RELB: variants seen among roughly 807,000 people sequenced by gnomAD.
RELB encodes RELB proto-oncogene, NF-kB subunit.
In RELB, 14 loss-of-function variants were observed where a neutral mutation model predicts 55.4. The ratio of observed to expected loss-of-function variants is 0.25; its 90% CI spans 0.17 to 0.40. The LOEUF (loss-of-function observed/expected upper bound fraction) is 0.40, where lower values mean the gene tolerates loss of function less well. RELB is among the 10% of genes least tolerant of loss of function. The pLI, the probability that RELB is intolerant of heterozygous loss-of-function variation, is 1.00. For missense variants in RELB, 669 were observed against 830.7 expected, an observed-to-expected ratio of 0.81 and a Z score of 2.39; for synonymous variants, 409 against 371.3, an observed-to-expected ratio of 1.10 and a Z score of -1.17.
intron 6 of RELB, 85 bp from the exon 7 acceptor site, chr19:45,025,521 C>A (rs1245534289): frequency 1.3e-6 from 2 of 1,580,516 alleles, no homozygotes; most frequent in Non-Finnish European, 1.7e-6. Context: ...ACCGTCTCCT[C>A]CAGCCCCATC....
chr19:45,032,258 C>A (rs34222293), intron 8 of RELB, among the ~76,000 whole-genome samples: 3,472 of 150,442 alleles, frequency 0.023, 129 homozygotes, highest in African/African-American at 0.079. Context: ...CAAAAAAAAA[C>A]CAAAAATAAA....
Position 45,032,576 on chromosome 19 carries a change from G to A in RELB, c.1034G>A (p.Arg345Gln), listed in dbSNP as rs759035059. Residue 345 changes from arginine to glutamine, a missense_variant, in exon 9 of 12, where the codon CGG becomes CAG. This residue lies in a region of RELB where 341 missense variants were observed against 436.8 expected (regional missense o/e 0.78). Transcript: ENST00000221452. ...TTCAGCAGGGCCTCCTGGGAAGGTC[G>A]GGCTGACTTCTCCCAGGCCGACGTG... ...VVFSRASWEG[R>Q]ADFSQADVHR... is the part of the protein sequence containing the mutation. 5 of 1,613,340 alleles carry A rather than the reference G, an allele frequency of 3.1e-6. No homozygotes were observed. Among genetic ancestry groups the A allele is most frequent in the Admixed American group, 1.7e-5 (1 of 59,916 alleles).
At chr19:45,025,811 T>A in intron 7 of RELB, 74 bp downstream of exon 7, 1 of 1,585,248 alleles carries the variant, frequency 6.3e-7, no homozygotes, top group Non-Finnish European at 8.7e-7. Context: ...TACAGAGGCA[T>A]GAATGGCTCA....
intron 1 of RELB, among the ~76,000 whole-genome samples, chr19:45,002,402 G>T (rs1971224183): frequency 6.6e-6 from 1 of 152,102 alleles, no homozygotes; most frequent in South Asian, 2.1e-4. Context: ...GCCCAGGCTG[G>T]AGTGCAGTGG....
chr19:45,002,692 C>T (rs1201130004), intron 1 of RELB, among the ~76,000 whole-genome samples: 1 of 152,036 alleles, frequency 6.6e-6, no homozygotes, highest in Non-Finnish European at 1.5e-5. Flanking sequence ...ATGGGGTCCC[C>T]TCCAGGCCCA....
intron 2 of RELB, among the ~76,000 whole-genome samples, chr19:45,006,043 T>G (rs1301545262): frequency 6.6e-6 from 1 of 152,264 alleles, no homozygotes; most frequent in African/African-American, 2.4e-5. Flanking sequence ...AGGACAGGCC[T>G]GGCCCTGGGG....
chr19:45,016,273 C>T (rs1371789904), intron 4 of RELB, among the ~76,000 whole-genome samples: 3 of 152,130 alleles, frequency 2.0e-5, no homozygotes, highest in Non-Finnish European at 4.4e-5. Context: ...GCGTGAGCCA[C>T]CGTGCCTGGC....
chr19:45,022,232 A>G, intron 5 of RELB, 22 bp downstream of exon 5: 2 of 1,565,044 alleles, frequency 1.3e-6, no homozygotes, highest in Non-Finnish European at 1.7e-6. Flanking sequence ...CTGACCTCCG[A>G]CCTCTCATCC....
chr19:45,011,836 TAAATG>T, intron 3 of RELB, 95 bp from the exon 4 acceptor site: 1 of 358,794 alleles, frequency 2.8e-6, no homozygotes, highest in Non-Finnish European at 4.5e-6. Flanking sequence ...GAGAGAGAGA[TAAATG>T]GGATGGAAAA....
chr19:45,012,394 G>A (rs948252790), intron 4 of RELB, 118 bp downstream of exon 4: 1 of 617,030 alleles, frequency 1.6e-6, no homozygotes, highest in Non-Finnish European at 2.4e-6. Context: ...TGTTGGACCA[G>A]ATATTAATTA....
intron 6 of RELB, 34 bp from the exon 7 acceptor site, chr19:45,025,572 C>T: frequency 3.7e-6 from 6 of 1,612,842 alleles, no homozygotes; most frequent in Non-Finnish European, 5.1e-6. Flanking sequence ...GTCTCCACTT[C>T]CCACCCTCAG....
At chr19:45,015,866 A>C (rs1288866438) in intron 4 of RELB, among the ~76,000 whole-genome samples, 1 of 152,174 alleles carries the variant, frequency 6.6e-6, no homozygotes, top group Non-Finnish European at 1.5e-5. Context: ...TAAGCTTTTC[A>C]GAATCTCCTA....
chr19:45,021,911 G>A (rs75725829), intron 4 of RELB, 142 bp from the exon 5 acceptor site: 2 of 798,470 alleles, frequency 2.5e-6, no homozygotes, highest in East Asian at 6.0e-5. Context: ...CATCATCCTG[G>A]TCGCGGGAGA....
chr19:45,017,095 T>C (rs1283880335), intron 4 of RELB, among the ~76,000 whole-genome samples: 1 of 152,126 alleles, frequency 6.6e-6, no homozygotes, highest in Non-Finnish European at 1.5e-5. Context: ...AAATCCCATT[T>C]TTCCCCTAGG....
chr19:45,004,299 T>C (rs1217903916), intron 2 of RELB, among the ~76,000 whole-genome samples: 1 of 148,812 alleles, frequency 6.7e-6, no homozygotes, highest in Non-Finnish European at 1.5e-5. Flanking sequence ...CTCGGCTCAC[T>C]GCAACCTCCA....
At chr19:45,031,554 T>C (rs1971621264) in intron 8 of RELB, among the ~76,000 whole-genome samples, 1 of 152,114 alleles carries the variant, frequency 6.6e-6, no homozygotes, top group Non-Finnish European at 1.5e-5. Flanking sequence ...TGAGGATCCC[T>C]GGACATGAGG....
rs570310233 is a variant in RELB at position 45,025,526 on chromosome 19, C to T, written c.755-80C>T. On this transcript the variant is annotated intron_variant, in intron 6 of 11. Coordinates refer to ENST00000221452, the MANE Select transcript of RELB (RefSeq NM_006509.4). The stretch of plus-strand genomic sequence containing the variant: ...TCCAGGCCCCACCGTCTCCTCCAGC[C>T]CCATCCCTTCCCCGTTCCCCTGTAC... 4 of 1,585,734 alleles carry T rather than the reference C, an allele frequency of 2.5e-6. No individual in the cohort carries two copies. The South Asian group carries it at 3.4e-5, about 13-fold the overall frequency.
intron 2 of RELB, among the ~76,000 whole-genome samples, chr19:45,006,969 AAAAG>A (rs1971289780): frequency 6.6e-6 from 1 of 151,844 alleles, no homozygotes; most frequent in South Asian, 2.1e-4. Flanking sequence ...AAAAAAAAAA[AAAAG>A]AAAATGATAA....
intron 4 of RELB, among the ~76,000 whole-genome samples, chr19:45,021,405 A>G (rs1170164687): frequency 7.1e-6 from 1 of 140,532 alleles, no homozygotes; most frequent in Non-Finnish European, 1.5e-5. Flanking sequence ...ACCCGCAGGC[A>G]GAGCTTGCAG....
Sources: allele counts gnomAD v4.1 joint callset (sites outside exome capture counted in the v4.1 genomes callset), GRCh38; gene constraint gnomAD v4.1.1; regional missense constraint gnomAD v4.1.1; transcripts MANE v1.5; gene names NCBI Gene and HGNC (gene_info 2026-07-23, HGNC 2026-07-21).